The following SDK1 variants were observed in gnomAD, a reference collection of about 807,000 sequenced individuals.
SDK1 encodes protein sidekick-1.
A neutral mutation model predicts 245.5 loss-of-function variants in SDK1; 157 were observed. The observed-to-expected ratio is 0.64, with a 90% CI of 0.56 to 0.73. SDK1 has a LOEUF of 0.73. Ranked by LOEUF, SDK1 falls within the 30% of genes least tolerant of loss-of-function variation. The probability of loss-of-function intolerance (pLI) is 0.00; values close to 1 mark genes in which losing one functional copy is unlikely to be tolerated. For synonymous variants in SDK1, 1,647 were observed against 1,278.5 expected (o/e 1.29, Z -6.15); for missense variants, 3,583 against 3,002.3 (o/e 1.19, Z -4.52).
At chr7:3,524,854 CTG>C (rs748826190) in intron 1 of SDK1, among the ~76,000 whole-genome samples, 28 of 152,106 alleles carry the variant, frequency 1.8e-4, no homozygotes, top group Non-Finnish European at 3.2e-4. Context: ...GGTTTAAAAA[CTG>C]TGGGAATGTA....
intron 1 of SDK1, among the ~76,000 whole-genome samples, chr7:3,327,467 T>G (rs1779965414): frequency 1.3e-5 from 2 of 152,156 alleles, no homozygotes; most frequent in Non-Finnish European, 2.9e-5. Context: ...GCTTTTGGGT[T>G]TCTAGGAAAC....
chr7:3,424,381 A>G (rs926067544), intron 1 of SDK1, among the ~76,000 whole-genome samples: 1 of 152,182 alleles, frequency 6.6e-6, no homozygotes, highest in Non-Finnish European at 1.5e-5. Context: ...CATATTCCTA[A>G]ACATTTAAGC....
At chr7:3,928,989 A>G (rs575476769) in intron 5 of SDK1, among the ~76,000 whole-genome samples, 33 of 152,188 alleles carry the variant, frequency 2.2e-4, no homozygotes, top group South Asian at 6.2e-4. Flanking sequence ...ACTAGACCCA[A>G]CTCTCTGCCC....
chr7:4,196,996 G>A (rs1783618445), intron 35 of SDK1, among the ~76,000 whole-genome samples: 1 of 152,208 alleles, frequency 6.6e-6, no homozygotes, highest in Non-Finnish European at 1.5e-5. Flanking sequence ...GCTTCCTGTT[G>A]GAGCATGCTA....
intron 30 of SDK1, among the ~76,000 whole-genome samples, chr7:4,152,783 G>GT (rs1780472209): frequency 6.6e-6 from 1 of 152,234 alleles, no homozygotes; most frequent in Admixed American, 6.5e-5. Context: ...CACCAGTTGT[G>GT]TGACATCTGT....
At chr7:3,319,842 C>A (rs1278947678) in intron 1 of SDK1, among the ~76,000 whole-genome samples, 1 of 136,368 alleles carries the variant, frequency 7.3e-6, no homozygotes, top group Non-Finnish European at 1.5e-5. Flanking sequence ...AATCTGGTTT[C>A]CTCTTCCATT....
intron 1 of SDK1, among the ~76,000 whole-genome samples, chr7:3,595,807 G>A (rs1489219960): frequency 2.7e-5 from 3 of 109,178 alleles, no homozygotes; most frequent in South Asian, 3.3e-4. Context: ...CAGCCTGGTC[G>A]ACAGAGTTAA....
chr7:3,815,477 G>C (rs1161652199), intron 4 of SDK1, among the ~76,000 whole-genome samples: 1 of 150,408 alleles, frequency 6.6e-6, no homozygotes, highest in Non-Finnish European at 1.5e-5. Flanking sequence ...CTTGATCATG[G>C]TGGATAGGCT....
chr7:4,207,117 C>A (rs959179420), intron 36 of SDK1, among the ~76,000 whole-genome samples: 1 of 152,254 alleles, frequency 6.6e-6, no homozygotes, highest in African/African-American at 2.4e-5. Context: ...CCCACTACAT[C>A]CTGCAGGTGG....
At chr7:4,047,200 C>A (rs569039930) in intron 17 of SDK1, among the ~76,000 whole-genome samples, 1 of 152,172 alleles carries the variant, frequency 6.6e-6, no homozygotes, top group African/African-American at 2.4e-5. Context: ...TAAAAAATCA[C>A]AATTGATTAT....
At chr7:3,891,135 C>T (rs932500333) in intron 5 of SDK1, among the ~76,000 whole-genome samples, 1 of 152,140 alleles carries the variant, frequency 6.6e-6, no homozygotes, top group Non-Finnish European at 1.5e-5. Flanking sequence ...ACAGGATAAG[C>T]CCAGTGGTAC....
At chr7:3,833,682 T>G (rs1779965311) in intron 5 of SDK1, among the ~76,000 whole-genome samples, 1 of 152,234 alleles carries the variant, frequency 6.6e-6, no homozygotes, top group South Asian at 2.1e-4. Context: ...AAACTTCACT[T>G]GTCTTGAACT....
intron 4 of SDK1, among the ~76,000 whole-genome samples, chr7:3,655,387 C>T (rs1395996647): frequency 4.8e-5 from 7 of 144,410 alleles, no homozygotes; most frequent in Non-Finnish European, 7.5e-5. Context: ...GAGCCGAGAT[C>T]GCAGCATTGC....
intron 1 of SDK1, among the ~76,000 whole-genome samples, chr7:3,385,030 C>T (rs1781575740): frequency 8.9e-6 from 1 of 112,866 alleles, no homozygotes; most frequent in Non-Finnish European, 2.2e-5. Flanking sequence ...TCTCTAGAGA[C>T]ACCTGAAACA....
At chr7:3,972,665 C>A (rs762102497) in intron 12 of SDK1, among the ~76,000 whole-genome samples, 1 of 152,210 alleles carries the variant, frequency 6.6e-6, no homozygotes, top group Non-Finnish European at 1.5e-5. Flanking sequence ...AGATGCCCTG[C>A]TGCTTTCTGG....
chr7:3,537,233 G>C (rs1778914775), intron 1 of SDK1, among the ~76,000 whole-genome samples: 1 of 152,170 alleles, frequency 6.6e-6, no homozygotes, highest in African/African-American at 2.4e-5. Flanking sequence ...GCACTCTTGT[G>C]TCTGACTATC....
At chr7:3,561,784 G>T (rs377580232) in intron 1 of SDK1, among the ~76,000 whole-genome samples, 4 of 152,160 alleles carry the variant, frequency 2.6e-5, no homozygotes, top group African/African-American at 9.7e-5. Context: ...TTTCTAACAA[G>T]CAAGCTGAAT....
At chr7:4,180,639 C>A (rs1018817825) in intron 35 of SDK1, among the ~76,000 whole-genome samples, 1 of 152,210 alleles carries the variant, frequency 6.6e-6, no homozygotes, top group Non-Finnish European at 1.5e-5. Context: ...TAAGAAAAGA[C>A]GTTTACTTGG....
At chr7:3,754,293 G>C (rs1779856593) in intron 4 of SDK1, among the ~76,000 whole-genome samples, 1 of 152,154 alleles carries the variant, frequency 6.6e-6, no homozygotes. Context: ...ACACCCTTCA[G>C]CAAATTTTGC....
Sources: allele counts gnomAD v4.1 joint callset (sites outside exome capture counted in the v4.1 genomes callset), GRCh38; gene constraint gnomAD v4.1.1; transcripts MANE v1.5; gene names NCBI Gene and HGNC (gene_info 2026-07-23, HGNC 2026-07-21).